RGS3: variants seen among roughly 807,000 people sequenced by gnomAD.
RGS3 encodes regulator of G-protein signalling 3.
Under a neutral mutation model 132.6 loss-of-function variants are expected in RGS3, and 80 were observed. The observed-to-expected ratio is 0.60, with a 90% CI of 0.50 to 0.73. The LOEUF is 0.73. Among genes scored for constraint, RGS3 ranks in the 30% least tolerant of loss-of-function variants. The probability of loss-of-function intolerance (pLI) is 0.00; values close to 1 mark genes in which losing one functional copy is unlikely to be tolerated. For missense variants in RGS3, 1,382 were observed against 1,530.8 expected (o/e 0.90, Z 1.62); for synonymous variants, 598 against 620.6 (o/e 0.96, Z 0.54).
At chr9:113,556,741 G>A (rs982719446) in intron 19 of RGS3, among the ~76,000 whole-genome samples, 1 of 152,180 alleles carries the variant, frequency 6.6e-6, no homozygotes, top group African/African-American at 2.4e-5. Flanking sequence ...GGGAAAGCTT[G>A]GGGATGCTAG....
At chr9:113,593,684 A>G in intron 21 of RGS3, 1 of 554,244 alleles carries the variant, frequency 1.8e-6, no homozygotes, top group South Asian at 2.2e-5. Flanking sequence ...CAGGGGGTCT[A>G]GGGAAAAGAG....
At chr9:113,536,757 A>C (rs1564540198) in intron 18 of RGS3, 39 bp from the exon 17 acceptor site, 1 of 1,602,686 alleles carries the variant, frequency 6.2e-7, no homozygotes. Flanking sequence ...ACCAGGGAGC[A>C]GCCCTGACCG....
rs1588172698 is a variant in RGS3, at chr9:113,506,607, G to T, written c.1085+114G>T. ...TTGCTGCTCCCTCTTTTGCCTAGCT[G>T]TGAGCAGGCAATTCCTTTTGCTCTT... On this transcript the variant is annotated intron_variant, in intron 12 of 24. Transcript: ENST00000350696. This position sits in a 1 kb window ranked among gnomAD's most constrained non-coding sequence, Gnocchi z 4.7. 4.4e-6 allele frequency: 3 copies of T among 677,630 alleles called. No homozygotes were observed. In the East Asian group the frequency reaches 8.3e-5, roughly 19 times the overall value. 42.0% of individuals were successfully genotyped at this position (677,630 alleles called of 1,614,324 possible). A position where few individuals can be genotyped will look rare whatever the true frequency, so the allele number is the denominator to read the frequency against.
intron 19 of RGS3, among the ~76,000 whole-genome samples, chr9:113,573,506 C>T (rs1834377839): frequency 6.6e-6 from 1 of 152,176 alleles, no homozygotes; most frequent in Admixed American, 6.5e-5. Flanking sequence ...GGGATTCACC[C>T]CCAGGCCCTC....
At chr9:113,536,660 T>C in intron 18 of RGS3, 136 bp from the exon 17 acceptor site, 4 of 1,496,418 alleles carry the variant, frequency 2.7e-6, no homozygotes, top group Non-Finnish European at 3.6e-6. Flanking sequence ...TTAGTGTGCA[T>C]TTGCGGCTTT....
chr9:113,594,469 G>C (rs1413421213), exon 22 of RGS3: 1 of 1,613,752 alleles, frequency 6.2e-7, no homozygotes, highest in Non-Finnish European at 8.5e-7. Context: ...TCTTCAGACG[G>C]CGGAATGAGT....
At chr9:113,473,757 C>T (rs768857001) in intron 3 of RGS3, among the ~76,000 whole-genome samples, 8 of 152,128 alleles carry the variant, frequency 5.3e-5, no homozygotes, top group East Asian at 1.9e-4. Context: ...AACCATTTCA[C>T]GGAGTTATTG....
chr9:113,546,120 C>T (rs1388227107), intron 19 of RGS3, among the ~76,000 whole-genome samples: 4 of 152,190 alleles, frequency 2.6e-5, no homozygotes, highest in Non-Finnish European at 5.9e-5. Flanking sequence ...GCACTACACT[C>T]CTGCTTTGCA....
intron 19 of RGS3, among the ~76,000 whole-genome samples, chr9:113,538,061 G>A (rs555446667): frequency 1.3e-4 from 20 of 152,370 alleles, no homozygotes; most frequent in African/African-American, 4.8e-4. Flanking sequence ...ACTTGGGCAA[G>A]TCACTTTGCT....
intron 10 of RGS3, 29 bp downstream of exon 8, chr9:113,498,109 C>T (rs1179750706): frequency 8.1e-6 from 13 of 1,608,838 alleles, no homozygotes; most frequent in Non-Finnish European, 1.1e-5. Flanking sequence ...GGGCATTGCT[C>T]CAGGAGCTGG....
chr9:113,447,347 A>ATATATATATATG lies in RGS3; in HGVS notation c.-13+2431_-13+2432insGTATATATATAT, dbSNP rs1564431588. 4.0e-4 allele frequency among the ~76,000 whole-genome samples: 43 copies of ATATATATATATG among 108,114 alleles called. 6 individuals carry two copies. The highest frequency in any genetic ancestry group is 7.8e-4 in the Non-Finnish European group (40 of 51,052). The allele number at this position is 108,114 out of a possible 152,430, so 70.9% of individuals were successfully genotyped here. ...TGTATATGTATATATATATATATATATATATATATATATAGGCAAGGGTTG... is the reference window on the plus strand; with the variant it reads ...TGTATATGTATATATATATATATATATATATATATATGTATATATATATATAGGCAAGGGTTG... On this transcript the variant is annotated intron_variant, in intron 1 of 25. Coordinates refer to the RGS3 transcript ENST00000374140.
exon 25 of RGS3, chr9:113,597,150 G>A: frequency 1.8e-6 from 1 of 557,748 alleles, no homozygotes; most frequent in Non-Finnish European, 3.1e-6. Flanking sequence ...TGGGCCCCGT[G>A]GGGTCCCCAC....
chr9:113,568,389 C>T (rs1380959197), intron 19 of RGS3, among the ~76,000 whole-genome samples: 2 of 152,260 alleles, frequency 1.3e-5, no homozygotes, highest in Non-Finnish European at 2.9e-5. Flanking sequence ...GGCACCTTCT[C>T]GTCCCTTCTT....
At chr9:113,544,973 C>G (rs931054073) in intron 19 of RGS3, among the ~76,000 whole-genome samples, 1 of 152,182 alleles carries the variant, frequency 6.6e-6, no homozygotes, top group African/African-American at 2.4e-5. Context: ...TTATTTTCCA[C>G]CCAGTGGAGA....
chr9:113,447,319 GTATGTATA>G (rs1454489917), intron 1 of RGS3, among the ~76,000 whole-genome samples: 5 of 21,886 alleles, frequency 2.3e-4, no homozygotes, highest in African/African-American at 4.1e-4. Flanking sequence ...AAATTCTGAT[GTATGTATA>G]TGTATATATA....
Position 113,463,668 on chromosome 9 carries a change from G to T in RGS3, c.415+1467G>T, listed in dbSNP as rs543925826. 7.2e-6 allele frequency: 10 copies of T among 1,383,984 alleles called. No homozygotes were observed. In the African/African-American group the frequency reaches 1.5e-4, roughly 21 times the overall value. The allele number at this position is 1,383,984 out of a possible 1,614,324, so 85.7% of individuals were successfully genotyped here. ...GCGCGGGCCAATCAGGGCCGGGCGC[G>T]CCCTGGCCGTTCCAACGCTTGGGGC... On this transcript the variant is annotated intron_variant, in intron 3 of 24. Coordinates refer to ENST00000350696, the Ensembl canonical transcript of RGS3. This position sits in a 1 kb window ranked among gnomAD's most constrained non-coding sequence, Gnocchi z 4.6.
chr9:113,548,249 A>G (rs1313016592), intron 19 of RGS3, among the ~76,000 whole-genome samples: 2 of 152,216 alleles, frequency 1.3e-5, no homozygotes, highest in African/African-American at 4.8e-5. Context: ...GGGGCAGGAA[A>G]GGGGTCACAG....
chr9:113,556,924 G>A (rs1369030054), intron 19 of RGS3, among the ~76,000 whole-genome samples: 1 of 152,138 alleles, frequency 6.6e-6, no homozygotes, highest in Non-Finnish European at 1.5e-5. Flanking sequence ...GCTTCTTGTG[G>A]GTCTCCCTCT....
rs2119324481 is a variant in RGS3 at position 113,506,519 on chromosome 9, G to A, written c.1085+26G>A. ...GTGACAGGGGACAGCGGGTGGCCTG[G>A]GGCCTCAGGCTGATGGCACACCCTC... On this transcript the variant is annotated intron_variant, in intron 12 of 24. Transcript: ENST00000350696. The surrounding 1 kb of genome is among the most constrained non-coding windows in gnomAD (Gnocchi z 4.7). The A allele has an allele frequency of 6.7e-7, 1 of 1,500,684 alleles. No homozygotes were observed. Among genetic ancestry groups the A allele is most frequent in the Non-Finnish European group, 9.1e-7 (1 of 1,097,040 alleles). 93.0% of individuals were successfully genotyped at this position (1,500,684 alleles called of 1,614,324 possible).
Sources: gnomAD v4.1 joint callset for allele counts (sites outside exome capture counted in the v4.1 genomes callset) on GRCh38, gnomAD v4.1.1 for gene constraint, Gnocchi (gnomAD v3.1) non-coding constraint, MANE v1.5 for transcripts, NCBI Gene and HGNC (gene_info 2026-07-23, HGNC 2026-07-21) for gene names.